HNF4A: variants seen among roughly 807,000 people sequenced by gnomAD.
The protein encoded by HNF4A is hepatocyte nuclear factor 4 alpha.
A neutral mutation model predicts 52.4 loss-of-function variants in HNF4A; 15 were observed. The observed-to-expected ratio is 0.29, with a 90% CI of 0.19 to 0.44. The LOEUF is 0.44. Among genes scored for constraint, HNF4A ranks in the 20% least tolerant of loss-of-function variants. HNF4A has a pLI of 1.00. For synonymous variants in HNF4A, 280 were observed against 264.4 expected (o/e 1.06, Z -0.57); for missense variants, 479 against 647.2 (o/e 0.74, Z 2.82).
At chr20:44,405,987 C>G in intron 1 of HNF4A, 71 bp from the exon 2 acceptor site, 1 of 1,445,698 alleles carries the variant, frequency 6.9e-7, no homozygotes, top group Non-Finnish European at 9.7e-7. Context: ...TGGAGAGATC[C>G]CCGCAAGGCT....
rs551924323 is a variant in HNF4A at position 44,413,601 on chromosome 20, CA to C, written c.386-92del. 188 of 855,166 alleles carry C rather than the reference CA, an allele frequency of 2.2e-4. No homozygotes were observed. In the African/African-American group the frequency reaches 2.8e-3, roughly 13 times the overall value. 53.0% of individuals were successfully genotyped at this position (855,166 alleles called of 1,614,324 possible). ...GTGGGCCTGTTCTCTGGACACCCCC[CA>C]CCTCCTGCTCCCACTCCTCATCAGT... On this transcript the variant is annotated intron_variant, in intron 3 of 9. Coordinates refer to ENST00000316099, the MANE Select transcript of HNF4A (RefSeq NM_000457.6).
chr20:44,418,338 A>T, intron 5 of HNF4A, 87 bp from the exon 6 acceptor site: 2 of 1,019,328 alleles, frequency 2.0e-6, no homozygotes, highest in Non-Finnish European at 3.1e-6. Flanking sequence ...GGGGAGCATT[A>T]AGCTGACTTG....
upstream of HNF4A, chr20:44,401,160 G>A (rs960446254): frequency 2.2e-5 from 31 of 1,428,732 alleles, no homozygotes; most frequent in Non-Finnish European, 2.7e-5. Flanking sequence ...CACCGGCGGG[G>A]GACCGATTAA....
At chr20:44,373,495 A>G (rs2063054466) in intron 1 of HNF4A, among the ~76,000 whole-genome samples, 2 of 151,888 alleles carry the variant, frequency 1.3e-5, no homozygotes, top group Admixed American at 1.3e-4. Flanking sequence ...TTTTTTAATC[A>G]TCCTTCTCTG....
chr20:44,402,516 G>T, intron 1 of HNF4A: 1 of 1,316,262 alleles, frequency 7.6e-7, no homozygotes, highest in East Asian at 4.8e-5. Context: ...CACCAAGTGA[G>T]ATTCATATCA....
At chr20:44,406,821 G>A (rs1036193717) in intron 2 of HNF4A, among the ~76,000 whole-genome samples, 3 of 152,230 alleles carry the variant, frequency 2.0e-5, no homozygotes, top group Non-Finnish European at 4.4e-5. Flanking sequence ...CCTGTGAGAT[G>A]GTTACTGTTG....
intron 1 of HNF4A, among the ~76,000 whole-genome samples, chr20:44,359,613 T>G (rs1010536621): frequency 7.9e-5 from 12 of 152,174 alleles, no homozygotes; most frequent in Admixed American, 7.2e-4. Flanking sequence ...GTTAACTTTC[T>G]GGCCTGGAAG....
chr20:44,414,581 G>C lies in HNF4A; in HGVS notation c.567G>C (p.Glu189Asp). ...TTGCCAGCATCGCAGATGTGTGTGA[G>C]TCCATGAAGGAGCAGCTGCTGGTTC... is the stretch of plus-strand genomic sequence containing the variant. The change falls in exon 5 of 10, where the codon GAG becomes GAC. Residue 189 changes from glutamate (E) to aspartate (D), a missense_variant. Around this residue, in one of 3 missense-constraint regions of HNF4A, gnomAD observed 389 missense variants for 525.1 expected, o/e 0.74. Transcript: ENST00000316099. The C allele has an allele frequency of 1.2e-6, 2 of 1,614,210 alleles. No homozygotes were observed. Among genetic ancestry groups the C allele is most frequent in the Non-Finnish European group, 1.7e-6 (2 of 1,180,028 alleles).
rs139535346 is a variant in HNF4A at position 44,379,339 on chromosome 20, T to C, written c.49+23486T>C. On this transcript the variant is annotated intron_variant, in intron 1 of 9. Coordinates refer to the HNF4A transcript ENST00000316673. ...GGAGTACAATTGCTAGATCATATGA[T>C]AGTTCTATTTTTCATTTTTTAGGAA... is the stretch of plus-strand genomic sequence containing the variant. Among the ~76,000 whole-genome samples, 3 of 152,188 alleles carry C rather than the reference T, an allele frequency of 2.0e-5. No homozygotes were observed. The East Asian group carries it at 5.8e-4, about 29-fold the overall frequency.
chr20:44,408,812 T>TGG (rs1316211936), intron 3 of HNF4A, among the ~76,000 whole-genome samples: 2 of 152,142 alleles, frequency 1.3e-5, no homozygotes, highest in Non-Finnish European at 1.5e-5. Context: ...CTGCGACTAG[T>TGG]CCCAGACCTT....
Position 44,412,905 on chromosome 20 carries a change from G to A in HNF4A, c.386-789G>A, listed in dbSNP as rs80310047. On this transcript the variant is annotated intron_variant, in intron 3 of 9. Coordinates refer to ENST00000316099, the MANE Select transcript of HNF4A (RefSeq NM_000457.6). ...GCTGCGATTGCCACCGGCACACAGAGTGGCAGGTTCCAGACAGGAAGCCGG... is the reference window on the plus strand; with the variant it reads ...GCTGCGATTGCCACCGGCACACAGAATGGCAGGTTCCAGACAGGAAGCCGG... Among the ~76,000 whole-genome samples, 704 of 152,294 alleles carry A rather than the reference G, an allele frequency of 4.6e-3. 5 individuals carry two copies. The highest frequency in any genetic ancestry group is 0.016 in the African/African-American group (679 of 41,546).
intron 1 of HNF4A, chr20:44,395,367 T>A (rs2063343757): frequency 6.6e-6 from 1 of 152,372 alleles, no homozygotes; most frequent in South Asian, 2.1e-4. Context: ...CCTGATTTGA[T>A]TAAGCCACAG....
intron 2 of HNF4A, 57 bp downstream of exon 2, chr20:44,406,289 A>T: frequency 1.3e-6 from 2 of 1,518,000 alleles, no homozygotes; most frequent in Admixed American, 3.6e-5. Context: ...TCATGGCCCC[A>T]AGGTCTGTCT....
intron 6 of HNF4A, among the ~76,000 whole-genome samples, chr20:44,419,339 T>C (rs374844273): frequency 2.0e-4 from 30 of 152,324 alleles, no homozygotes; most frequent in African/African-American, 7.2e-4. Flanking sequence ...AAGTAACTTA[T>C]CCAACTATAA....
chr20:44,384,197 A>G (rs2063191996), intron 1 of HNF4A, among the ~76,000 whole-genome samples: 1 of 148,794 alleles, frequency 6.7e-6, no homozygotes, highest in South Asian at 2.1e-4. Context: ...AATAAAGACC[A>G]AAGGTCCAGA....
At chr20:44,396,303 C>G (rs1600688999), upstream of HNF4A, among the ~76,000 whole-genome samples, 1 of 152,264 alleles carries the variant, frequency 6.6e-6, no homozygotes, top group South Asian at 2.1e-4. Context: ...TTTTTAGCAC[C>G]AGGGCTAGCA....
At chr20:44,393,017 A>G (rs985643831) in intron 1 of HNF4A, among the ~76,000 whole-genome samples, 1 of 152,100 alleles carries the variant, frequency 6.6e-6, no homozygotes, top group Non-Finnish European at 1.5e-5. Flanking sequence ...ACTTCCAAAC[A>G]CTTCACCTTA....
upstream of HNF4A, among the ~76,000 whole-genome samples, chr20:44,400,468 C>T (rs368347129): frequency 1.1e-4 from 17 of 151,244 alleles, no homozygotes; most frequent in South Asian, 2.7e-3. Flanking sequence ...AACTGAGGCT[C>T]GGAGAGGAGA....
At chr20:44,369,249 CAAAAAAAAAA>C (rs751374772) in intron 1 of HNF4A, among the ~76,000 whole-genome samples, 17 of 24,824 alleles carry the variant, frequency 6.8e-4, no homozygotes, top group East Asian at 4.1e-3. Flanking sequence ...AACTCCATCT[CAAAAAAAAAA>C]AAAAAAAAAA....
Sources: gnomAD v4.1 joint callset for allele counts (sites outside exome capture counted in the v4.1 genomes callset) on GRCh38, gnomAD v4.1.1 for gene constraint, gnomAD v4.1.1 regional missense constraint, MANE v1.5 for transcripts, NCBI Gene and HGNC (gene_info 2026-07-23, HGNC 2026-07-21) for gene names.